Variants in DCBLD2 observed in about 807,000 individuals in gnomAD.
DCBLD2 encodes discoidin, CUB and LCCL domain containing 2, also known as discoidin, CUB and LCCL domain-containing protein 2.
A neutral mutation model predicts 86.8 loss-of-function variants in DCBLD2; 54 were observed. The ratio of observed to expected loss-of-function variants is 0.62; its 90% CI spans 0.50 to 0.78. The LOEUF (loss-of-function observed/expected upper bound fraction) is 0.78. Among genes scored for constraint, DCBLD2 ranks in the 30% least tolerant of loss-of-function variants. The pLI is 0.00. For synonymous variants in DCBLD2, 354 were observed against 341.3 expected (o/e 1.04, Z -0.41); for missense variants, 908 against 954.2 (o/e 0.95, Z 0.64).
At chr3:98,803,845 G>A (rs867269641) in intron 13 of DCBLD2, among the ~76,000 whole-genome samples, 1 of 152,096 alleles carries the variant, frequency 6.6e-6, no homozygotes, top group South Asian at 2.1e-4. Flanking sequence ...GCTGGATTAC[G>A]TTTATTGATT....
intron 2 of DCBLD2, among the ~76,000 whole-genome samples, chr3:98,853,045 T>C (rs912273002): frequency 3.8e-5 from 5 of 131,582 alleles, no homozygotes; most frequent in Non-Finnish European, 1.7e-5. Context: ...TTTTAAGTTG[T>C]AGGCTTGTGA....
intron 3 of DCBLD2, among the ~76,000 whole-genome samples, chr3:98,847,188 G>A (rs1025645524): frequency 3.9e-5 from 6 of 152,132 alleles, no homozygotes; most frequent in African/African-American, 1.4e-4. Context: ...CATTGTATGT[G>A]TCTGCTATGT....
intron 2 of DCBLD2, among the ~76,000 whole-genome samples, chr3:98,864,949 TCAAAAAG>T (rs2107504103): frequency 6.6e-6 from 1 of 152,092 alleles, no homozygotes; most frequent in South Asian, 2.1e-4. Context: ...ATGGCTACTA[TCAAAAAG>T]ACAAAAGTGT....
intron 3 of DCBLD2, among the ~76,000 whole-genome samples, chr3:98,827,352 A>G (rs2107454846): frequency 6.6e-6 from 1 of 152,358 alleles, no homozygotes; most frequent in South Asian, 2.1e-4. Flanking sequence ...TTCTAAGATT[A>G]ATAGCCTGGG....
intron 1 of DCBLD2, among the ~76,000 whole-genome samples, chr3:98,893,261 T>C (rs1187901303): frequency 6.6e-6 from 1 of 151,970 alleles, no homozygotes; most frequent in Non-Finnish European, 1.5e-5. Context: ...AAAAGAAAGA[T>C]GAGTTACATA....
chr3:98,831,164 C>T (rs973243146), intron 3 of DCBLD2, among the ~76,000 whole-genome samples: 1 of 151,132 alleles, frequency 6.6e-6, no homozygotes, highest in Non-Finnish European at 1.5e-5. Context: ...CTCCGCCTCC[C>T]GGGTAGCTGG....
chr3:98,873,184 A>G (rs1413615075), intron 2 of DCBLD2, among the ~76,000 whole-genome samples: 1 of 152,122 alleles, frequency 6.6e-6, no homozygotes, highest in Non-Finnish European at 1.5e-5. Flanking sequence ...AGAATTATGA[A>G]TATCTAGTCG....
intron 14 of DCBLD2, 22 bp from the exon 15 acceptor site, chr3:98,800,738 A>G (rs756534038): frequency 8.7e-6 from 14 of 1,613,742 alleles, no homozygotes; most frequent in South Asian, 3.3e-5. Context: ...CGGCAAGCCA[A>G]AGAGACCATT....
At chr3:98,815,585 A>G (rs529061408) in intron 9 of DCBLD2, 2 of 152,330 alleles carry the variant, frequency 1.3e-5, no homozygotes, top group Non-Finnish European at 2.9e-5. Context: ...CAATCAACAT[A>G]AAAAGACCCA....
chr3:98,881,809 T>C, intron 1 of DCBLD2, 42 bp from the exon 2 acceptor site: 1 of 1,555,848 alleles, frequency 6.4e-7, no homozygotes, highest in Non-Finnish European at 8.8e-7. Context: ...TTCTCACATA[T>C]TTTACTTCCT....
At chr3:98,830,370 GATTTAC>G (rs2107457894) in intron 3 of DCBLD2, among the ~76,000 whole-genome samples, 1 of 152,280 alleles carries the variant, frequency 6.6e-6, no homozygotes, top group South Asian at 2.1e-4. Flanking sequence ...ATAGTTTTGA[GATTTAC>G]ATTTAAGTGT....
In DCBLD2 at chr3:98,844,601, G is replaced by C. The variant is rs1007148966; in HGVS notation, c.571+4860C>G. On this transcript the variant is annotated intron_variant, in intron 3 of 15. Coordinates refer to ENST00000326840, the MANE Select transcript of DCBLD2 (RefSeq NM_080927.4). The stretch of plus-strand genomic sequence containing the variant: ...TTGTCTCGAACTACTGACCTCAGAT[G>C]ACCCACCCGCTTCGGCCTCCCAAAG... 2.6e-5 allele frequency among the ~76,000 whole-genome samples: 4 copies of C among 152,018 alleles called. No homozygotes were observed. The South Asian group carries it at 6.2e-4, about 24-fold the overall frequency.
intron 3 of DCBLD2, among the ~76,000 whole-genome samples, chr3:98,845,940 C>T (rs996940286): frequency 5.9e-5 from 9 of 152,214 alleles, no homozygotes; most frequent in African/African-American, 2.2e-4. Flanking sequence ...CCACTCCCCA[C>T]ACACCTCTGG....
chr3:98,863,258 G>C (rs1943080295), intron 2 of DCBLD2, among the ~76,000 whole-genome samples: 1 of 152,166 alleles, frequency 6.6e-6, no homozygotes, highest in Admixed American at 6.5e-5. Flanking sequence ...TGGAGAGGAA[G>C]AATCAATATC....
intron 1 of DCBLD2, among the ~76,000 whole-genome samples, chr3:98,888,413 A>ACAAT (rs1226378451): frequency 6.6e-6 from 1 of 151,994 alleles, no homozygotes; most frequent in Non-Finnish European, 1.5e-5. Context: ...CTGGAGTCAT[A>ACAAT]CAATCAATTT....
chr3:98,872,423 G>A (rs1943295422), intron 2 of DCBLD2, among the ~76,000 whole-genome samples: 1 of 152,130 alleles, frequency 6.6e-6, no homozygotes, highest in African/African-American at 2.4e-5. Context: ...ATGAGTTGAA[G>A]CAGCACAAAA....
chr3:98,796,195 A>G lies in DCBLD2; in HGVS notation c.*3177T>C, dbSNP rs903298244. On this transcript the variant is annotated 3_prime_UTR_variant, in exon 16 of 16. Transcript: ENST00000326840. ...GACGCTCAAACCATTTTTATTTCCA[A>G]TATGTATTTCAATACATGTTTGTTT... is the stretch of plus-strand genomic sequence containing the variant. The G allele has an allele frequency of 4.6e-5, 7 of 152,518 alleles. No homozygotes were observed. Among genetic ancestry groups the G allele is most frequent in the Non-Finnish European group, 5.9e-5 (4 of 68,024 alleles). The allele number at this position is 152,518 out of a possible 1,614,324, so 9.4% of individuals were successfully genotyped here. A position where few individuals can be genotyped will look rare whatever the true frequency, so the allele number is the denominator to read the frequency against.
intron 3 of DCBLD2, among the ~76,000 whole-genome samples, chr3:98,836,418 T>C (rs1942449307): frequency 6.6e-6 from 1 of 151,410 alleles, no homozygotes; most frequent in Non-Finnish European, 1.5e-5. Context: ...ATGGAAATTA[T>C]TTTTTGGTGA....
intron 10 of DCBLD2, 85 bp from the exon 11 acceptor site, chr3:98,811,639 TC>T: frequency 8.2e-7 from 1 of 1,214,326 alleles, no homozygotes; most frequent in East Asian, 2.6e-5. Flanking sequence ...CTTCAATATT[TC>T]CTAAAGTATT....
Sources: gnomAD v4.1 joint callset for allele counts (sites outside exome capture counted in the v4.1 genomes callset) on GRCh38, gnomAD v4.1.1 for gene constraint, MANE v1.5 for transcripts, NCBI Gene and HGNC (gene_info 2026-07-23, HGNC 2026-07-21) for gene names.